GALNT1: variants seen among roughly 807,000 people sequenced by gnomAD.
The protein encoded by GALNT1 is GalNAc transferase 1.
A neutral mutation model predicts 65.7 loss-of-function variants in GALNT1; 17 were observed. The observed-to-expected ratio is 0.26, with a 90% confidence interval of 0.18 to 0.39. The LOEUF is 0.39. Among genes scored for constraint, GALNT1 ranks in the 10% least tolerant of loss-of-function variants. The pLI is 1.00. For synonymous variants in GALNT1, 210 were observed against 219.7 expected (o/e 0.96, Z 0.39); for missense variants, 460 against 672.8 (o/e 0.68, Z 3.50).
chr18:35,644,715 G>T, intron 1 of GALNT1, among the ~76,000 whole-genome samples: 1 of 152,152 alleles, frequency 6.6e-6, no homozygotes, highest in Non-Finnish European at 1.5e-5. Context: ...TCCAGGCCAG[G>T]CGTGGTGACT....
intron 1 of GALNT1, among the ~76,000 whole-genome samples, chr18:35,622,104 G>A (rs1452207235): frequency 6.6e-6 from 1 of 152,024 alleles, no homozygotes; most frequent in Non-Finnish European, 1.5e-5. Context: ...ACTATATTGA[G>A]ATTTTGATTG....
intron 11 of GALNT1, among the ~76,000 whole-genome samples, chr18:35,704,753 C>T (rs1045041407): frequency 1.3e-5 from 2 of 152,048 alleles, no homozygotes; most frequent in Admixed American, 1.3e-4. Context: ...AAGCTATTCT[C>T]CTGCCTCAGC....
intron 9 of GALNT1, 68 bp downstream of exon 9, chr18:35,692,388 G>C: frequency 9.7e-7 from 1 of 1,031,666 alleles, no homozygotes; most frequent in East Asian, 3.1e-5. Context: ...AAAAAAAATA[G>C]GAGTTAGTTA....
At chr18:35,705,470 A>G (rs964993952) in intron 11 of GALNT1, among the ~76,000 whole-genome samples, 14 of 152,224 alleles carry the variant, frequency 9.2e-5, no homozygotes, top group African/African-American at 3.4e-4. Flanking sequence ...AGAAAAAATG[A>G]TATTACCTAT....
intron 1 of GALNT1, among the ~76,000 whole-genome samples, chr18:35,634,774 C>T (rs912923896): frequency 5.1e-4 from 77 of 152,248 alleles, no homozygotes; most frequent in South Asian, 2.1e-3. Context: ...CAGTGAATCA[C>T]GCTTATCATT....
At chr18:35,693,589 T>TTTCAGAGAGTAAAGGATTATGTCA (rs2048004604) in intron 9 of GALNT1, among the ~76,000 whole-genome samples, 1 of 151,924 alleles carries the variant, frequency 6.6e-6, no homozygotes, top group Non-Finnish European at 1.5e-5. Flanking sequence ...GGATTATGTC[T>TTTCAGAGAGTAAAGGATTATGTCA]GGTTTCTATC....
chr18:35,690,129 TG>T (rs903701951), intron 7 of GALNT1, among the ~76,000 whole-genome samples: 1 of 152,168 alleles, frequency 6.6e-6, no homozygotes, highest in African/African-American at 2.4e-5. Flanking sequence ...TTTAACTTGG[TG>T]GGGGGAATGT....
chr18:35,667,230 A>G (rs2144490035), intron 3 of GALNT1, among the ~76,000 whole-genome samples: 1 of 152,252 alleles, frequency 6.6e-6, no homozygotes, highest in Non-Finnish European at 1.5e-5. Flanking sequence ...TATGTTATCA[A>G]ATATGCTGTG....
chr18:35,632,068 G>A (rs1356759815), intron 1 of GALNT1, among the ~76,000 whole-genome samples: 1 of 152,128 alleles, frequency 6.6e-6, no homozygotes, highest in Admixed American at 6.5e-5. Context: ...ACAAATGGAA[G>A]AACATTCCAT....
At chr18:35,684,889 G>A (rs769223397) in intron 5 of GALNT1, among the ~76,000 whole-genome samples, 2 of 152,188 alleles carry the variant, frequency 1.3e-5, no homozygotes, top group Non-Finnish European at 2.9e-5. Context: ...CCTGCCTCAG[G>A]TGAGAAGGTT....
At chr18:35,634,390 A>T (rs1392157158) in intron 1 of GALNT1, among the ~76,000 whole-genome samples, 2 of 151,762 alleles carry the variant, frequency 1.3e-5, no homozygotes, top group Non-Finnish European at 2.9e-5. Context: ...GGTTCCCAAG[A>T]CCCACCCGTA....
chr18:35,604,594 T>C (rs1378060280), intron 1 of GALNT1, among the ~76,000 whole-genome samples: 3 of 152,216 alleles, frequency 2.0e-5, no homozygotes, highest in Non-Finnish European at 2.9e-5. Flanking sequence ...TTTGACTTTT[T>C]AATAATAGTC....
chr18:35,667,570 T>C (rs73418876), intron 3 of GALNT1, among the ~76,000 whole-genome samples: 3,958 of 152,290 alleles, frequency 0.026, 170 homozygotes, highest in African/African-American at 0.092. Context: ...TTATGACATA[T>C]ATATTTCTTT....
chr18:35,672,035 T>C (rs2047644549), intron 3 of GALNT1, among the ~76,000 whole-genome samples: 1 of 152,236 alleles, frequency 6.6e-6, no homozygotes, highest in Admixed American at 6.5e-5. Context: ...TTCTCATTAA[T>C]ATCTTGATAG....
At chr18:35,652,775 T>A (rs2047327595) in intron 1 of GALNT1, among the ~76,000 whole-genome samples, 2 of 152,220 alleles carry the variant, frequency 1.3e-5, no homozygotes, top group South Asian at 4.1e-4. Flanking sequence ...CCCTCTTCAC[T>A]GCACTTCACC....
chr18:35,685,511 C>A (rs561797759), intron 5 of GALNT1, among the ~76,000 whole-genome samples: 10 of 148,394 alleles, frequency 6.7e-5, no homozygotes, highest in African/African-American at 2.5e-4. Flanking sequence ...CCTTTGCAAG[C>A]AGAAATCATG....
Position 35,581,806 on chromosome 18 carries a change from A to G in GALNT1, c.-160A>G, listed in dbSNP as rs2046320898. ...CGCGCTGGCCGCGGGACCGGCCGCGACCGCCGCGGCCGGCCCGGAGGACGC... is the reference window on the plus strand; with the variant it reads ...CGCGCTGGCCGCGGGACCGGCCGCGGCCGCCGCGGCCGGCCCGGAGGACGC... On this transcript the variant is annotated 5_prime_UTR_variant, in exon 1 of 12. Transcript: ENST00000269195. 1.7e-4 allele frequency: 1 copy of G among 5,954 alleles called. No individual in the cohort carries two copies. The highest frequency in any genetic ancestry group is 3.5e-4 in the Non-Finnish European group (1 of 2,862). The allele number at this position is 5,954 out of a possible 1,614,324, so 0.4% of individuals were successfully genotyped here. A position where few individuals can be genotyped will look rare whatever the true frequency, so the allele number is the denominator to read the frequency against.
chr18:35,596,795 G>A (rs1396840243), intron 1 of GALNT1: 1 of 152,166 alleles, frequency 6.6e-6, no homozygotes, highest in Non-Finnish European at 1.5e-5. Flanking sequence ...CTTTCTCACT[G>A]TATTTACTAG....
chr18:35,605,977 A>G (rs938256121), intron 1 of GALNT1, among the ~76,000 whole-genome samples: 5 of 152,228 alleles, frequency 3.3e-5, no homozygotes, highest in African/African-American at 1.2e-4. Context: ...TTAGGCATTC[A>G]TATTTGTACA....
Sources: gnomAD v4.1 joint callset for allele counts (sites outside exome capture counted in the v4.1 genomes callset) on GRCh38, gnomAD v4.1.1 for gene constraint, MANE v1.5 for transcripts, NCBI Gene and HGNC (gene_info 2026-07-23, HGNC 2026-07-21) for gene names.